IQCB1: variants seen among roughly 807,000 people sequenced by gnomAD.
IQCB1 encodes the protein IQ calmodulin-binding motif-containing protein 1.
A neutral mutation model predicts 84.4 loss-of-function variants in IQCB1; 56 were observed. That is an observed-to-expected ratio of 0.66 (90% CI 0.54 to 0.83). The LOEUF (loss-of-function observed/expected upper bound fraction) is 0.83, where lower values mean the gene tolerates loss of function less well. Ranked by LOEUF, IQCB1 falls within the 40% of genes least tolerant of loss-of-function variation. The pLI is 0.00. For synonymous variants in IQCB1, 210 were observed against 234.8 expected, an observed-to-expected ratio of 0.89 and a Z score of 0.96; for missense variants, 629 against 682.1, an observed-to-expected ratio of 0.92 and a Z score of 0.87.
At chr3:121,827,512 C>G (rs576452942) in intron 4 of IQCB1, among the ~76,000 whole-genome samples, 20 of 151,880 alleles carry the variant, frequency 1.3e-4, no homozygotes, top group Non-Finnish European at 2.2e-4. Context: ...GAATTCCACC[C>G]GAGAGCCTGG....
chr3:121,815,905 C>T (rs1341458435), intron 5 of IQCB1, among the ~76,000 whole-genome samples: 3 of 134,550 alleles, frequency 2.2e-5, no homozygotes, highest in African/African-American at 8.2e-5. Context: ...TTAGAAAAAA[C>T]TACTTTACAT....
chr3:121,782,046 TAC>T (rs1948518254), intron 12 of IQCB1, among the ~76,000 whole-genome samples, 172 bp from the exon 13 acceptor site: 1 of 152,192 alleles, frequency 6.6e-6, no homozygotes, highest in South Asian at 2.1e-4. Context: ...TTTTAAAATA[TAC>T]AGTCTTCTGT....
intron 10 of IQCB1, among the ~76,000 whole-genome samples, chr3:121,793,317 T>C (rs554960282): frequency 6.6e-5 from 10 of 152,258 alleles, no homozygotes; most frequent in Admixed American, 2.0e-4. Context: ...GAAACCACTA[T>C]GAAAGTGCAT....
At chr3:121,817,259 G>A (rs4629377) in intron 5 of IQCB1, among the ~76,000 whole-genome samples, 7 of 151,978 alleles carry the variant, frequency 4.6e-5, no homozygotes, top group Admixed American at 1.3e-4. Flanking sequence ...GGCCTGTCAG[G>A]GGGTAGGGAG....
chr3:121,830,443 T>C (rs1329665850), intron 2 of IQCB1, among the ~76,000 whole-genome samples: 1 of 152,030 alleles, frequency 6.6e-6, no homozygotes, highest in Non-Finnish European at 1.5e-5. Flanking sequence ...AAAGATATCC[T>C]TATATAATAA....
chr3:121,821,013 T>G (rs1950256132), intron 5 of IQCB1, among the ~76,000 whole-genome samples: 1 of 151,844 alleles, frequency 6.6e-6, no homozygotes, highest in Admixed American at 6.6e-5. Flanking sequence ...TTTAAAGAGA[T>G]AGGATCTTGC....
intron 2 of IQCB1, among the ~76,000 whole-genome samples, chr3:121,832,839 G>A (rs1198144149): frequency 1.3e-5 from 2 of 152,100 alleles, no homozygotes; most frequent in Non-Finnish European, 2.9e-5. Context: ...TAATGTTAAA[G>A]TTATTGATGG....
intron 5 of IQCB1, among the ~76,000 whole-genome samples, chr3:121,822,358 C>T (rs952539245): frequency 1.3e-5 from 2 of 152,162 alleles, no homozygotes; most frequent in Non-Finnish European, 2.9e-5. Context: ...TGTTTATCAA[C>T]ATAGGGAAAG....
intron 13 of IQCB1, among the ~76,000 whole-genome samples, chr3:121,774,294 G>A (rs1410324171): frequency 6.6e-6 from 1 of 152,178 alleles, no homozygotes; most frequent in African/African-American, 2.4e-5. Flanking sequence ...ATGTTGACAA[G>A]GATGTACAGA....
intron 10 of IQCB1, among the ~76,000 whole-genome samples, chr3:121,792,467 G>A (rs1002842165): frequency 3.3e-5 from 5 of 150,868 alleles, no homozygotes; most frequent in Non-Finnish European, 7.4e-5. Context: ...AGACCATCCT[G>A]GCTAACACGG....
intron 10 of IQCB1, 116 bp downstream of exon 10, chr3:121,795,341 A>T (rs967125252): frequency 1.4e-6 from 1 of 727,448 alleles, no homozygotes; most frequent in African/African-American, 1.8e-5. Flanking sequence ...ATGGAAAAAA[A>T]ATGAAAAGAT....
intron 13 of IQCB1, among the ~76,000 whole-genome samples, chr3:121,776,730 C>T (rs1445459503): frequency 6.6e-6 from 1 of 152,074 alleles, no homozygotes; most frequent in African/African-American, 2.4e-5. Context: ...TTTTAATGTG[C>T]ATTTTCCTTA....
intron 13 of IQCB1, 34 bp downstream of exon 13, chr3:121,781,709 A>G (rs1351824166): frequency 6.3e-7 from 1 of 1,586,128 alleles, no homozygotes; most frequent in Non-Finnish European, 8.7e-7. Context: ...GCATTGGAAT[A>G]ATGTAATACT....
intron 10 of IQCB1, 103 bp from the exon 11 acceptor site, chr3:121,790,318 A>G (rs959388513): frequency 9.6e-6 from 10 of 1,042,272 alleles, no homozygotes; most frequent in Middle Eastern, 2.6e-4. Flanking sequence ...AAATTTTAAG[A>G]TAATTTCTAG....
chr3:121,833,651 A>C (rs1708081044), intron 2 of IQCB1, among the ~76,000 whole-genome samples: 1 of 152,182 alleles, frequency 6.6e-6, no homozygotes, highest in Non-Finnish European at 1.5e-5. Flanking sequence ...CACAGATACA[A>C]AAAAATATAC....
rs115142078 is a variant in IQCB1, at chr3:121,826,839, A to G, written c.264-659T>C. On this transcript the variant is annotated intron_variant, in intron 4 of 14. Coordinates refer to ENST00000310864, the MANE Select transcript of IQCB1 (RefSeq NM_001023570.4). ...ATAAGTCAGAAGTCCCAATAATAAA[A>G]GGTTTTTCTGTAAACTAACATTCAA... 8.6e-3 allele frequency among the ~76,000 whole-genome samples: 1,316 copies of G among 152,252 alleles called. 8 individuals carry two copies. Among genetic ancestry groups the G allele is most frequent in the Non-Finnish European group, 0.013 (892 of 67,954 alleles).
chr3:121,783,034 C>A (rs927296151), intron 12 of IQCB1, among the ~76,000 whole-genome samples: 1 of 152,152 alleles, frequency 6.6e-6, no homozygotes, highest in African/African-American at 2.4e-5. Context: ...TGTGCTATAA[C>A]TGAATACATG....
At chr3:121,829,730 C>A (rs1950568885) in intron 2 of IQCB1, among the ~76,000 whole-genome samples, 1 of 152,196 alleles carries the variant, frequency 6.6e-6, no homozygotes, top group Non-Finnish European at 1.5e-5. Flanking sequence ...TACCTGATTT[C>A]CCCCAATATG....
chr3:121,814,342 A>G (rs1032176212), intron 5 of IQCB1, among the ~76,000 whole-genome samples: 3 of 152,216 alleles, frequency 2.0e-5, no homozygotes, highest in African/African-American at 7.2e-5. Flanking sequence ...ACACCCTAAC[A>G]TCACAATTAA....
Sources: allele counts gnomAD v4.1 joint callset (sites outside exome capture counted in the v4.1 genomes callset), GRCh38; gene constraint gnomAD v4.1.1; transcripts MANE v1.5; gene names NCBI Gene and HGNC (gene_info 2026-07-23, HGNC 2026-07-21).